The following NUDT6 variants were observed in gnomAD, a reference collection of about 807,000 sequenced individuals.
NUDT6 encodes the protein nudix hydrolase 6, also known as FAD diphosphatase NUDT6.
A neutral mutation model predicts 36.8 loss-of-function variants in NUDT6; 24 were observed. That is an observed-to-expected ratio of 0.65 (90% CI 0.47 to 0.92). NUDT6 has a LOEUF of 0.92. Among genes scored for constraint, NUDT6 ranks in the 40% least tolerant of loss-of-function variants. The pLI, the probability that NUDT6 is intolerant of heterozygous loss-of-function variation, is 0.00. For missense variants in NUDT6, 388 were observed against 392.8 expected (o/e 0.99, Z 0.10); for synonymous variants, 163 against 157.0 (o/e 1.04, Z -0.29).
At position 122,917,594 on chromosome 4, in the gene NUDT6, G is replaced by A; in HGVS notation, c.349C>T (p.His117Tyr). The change falls in exon 2 of 5, where the codon CAC becomes TAC. Residue 117 changes from histidine (H) to tyrosine (Y), a missense_variant. Physicochemically the swap from His to Tyr is moderately conservative, Grantham distance 83. Transcript: ENST00000304430. ...PAASLGFCFHHAESDSSTLTL... is the reference protein window; with the variant it reads ...PAASLGFCFHYAESDSSTLTL... ...AACGTTGATGAATCCGATTCTGCGTGGTGAAAGCAGAAGCCCAGGGAAGCA... is the reference window on the plus strand; with the variant it reads ...AACGTTGATGAATCCGATTCTGCGTAGTGAAAGCAGAAGCCCAGGGAAGCA... 6.2e-7 allele frequency: 1 copy of A among 1,614,148 alleles called. No homozygotes were observed. Among genetic ancestry groups the A allele is most frequent in the African/African-American group, 1.3e-5 (1 of 75,016 alleles).
At chr4:122,920,114 T>C (rs924530664) in intron 1 of NUDT6, 3 of 152,240 alleles carry the variant, frequency 2.0e-5, no homozygotes, top group African/African-American at 7.2e-5. Context: ...GTTGACTTCT[T>C]ATTCCACCAA....
chr4:122,900,905 ATTCT>A (rs1727509073), intron 3 of NUDT6, among the ~76,000 whole-genome samples: 1 of 151,960 alleles, frequency 6.6e-6, no homozygotes, highest in Non-Finnish European at 1.5e-5. Flanking sequence ...ATCTTTTATT[ATTCT>A]TTCTTTCCAG....
At chr4:122,901,121 C>T (rs1727513915) in intron 3 of NUDT6, among the ~76,000 whole-genome samples, 1 of 152,044 alleles carries the variant, frequency 6.6e-6, no homozygotes, top group Non-Finnish European at 1.5e-5. Context: ...TTCTAAAATG[C>T]TCTTGTGCTT....
At position 122,914,167 on chromosome 4, in the gene NUDT6, T is replaced by C. The variant is rs144660854; in HGVS notation, c.443-1544A>G. ...GAATATTAGAAGGTGATAAATGCTA[T>C]GTAGAATATAGAGAAGGAATAAATA... is the stretch of plus-strand genomic sequence containing the variant. On this transcript the variant is annotated intron_variant, in intron 2 of 4. Transcript: ENST00000304430. 3.3e-3 allele frequency among the ~76,000 whole-genome samples: 500 copies of C among 152,228 alleles called. 2 individuals are homozygous for C. Among genetic ancestry groups the C allele is most frequent in the Middle Eastern group, 0.014 (4 of 294 alleles).
upstream of NUDT6, chr4:122,922,626 C>A: frequency 6.8e-7 from 1 of 1,461,046 alleles, no homozygotes; most frequent in Non-Finnish European, 9.3e-7. Flanking sequence ...CGCTCCAGAG[C>A]GGAGATCGCG....
intron 1 of NUDT6, chr4:122,921,613 A>AC (rs1553953091): frequency 1.5e-5 from 2 of 135,634 alleles, no homozygotes; most frequent in African/African-American, 5.3e-5. Context: ...AAAAAAAAAA[A>AC]AAAAACAAAC....
At chr4:122,913,348 A>G (rs1326501236) in intron 2 of NUDT6, 1 of 152,166 alleles carries the variant, frequency 6.6e-6, no homozygotes, top group Non-Finnish European at 1.5e-5. Context: ...CCTCTTTCAT[A>G]AGGACACTAA....
At chr4:122,894,162 GA>G (rs778578145) in intron 4 of NUDT6, 2 of 152,168 alleles carry the variant, frequency 1.3e-5, no homozygotes, top group African/African-American at 2.4e-5. Flanking sequence ...AATAGCTATG[GA>G]AAGATGCATA....
At chr4:122,899,890 A>T (rs190279268) in intron 3 of NUDT6, among the ~76,000 whole-genome samples, 1 of 152,226 alleles carries the variant, frequency 6.6e-6, no homozygotes, top group East Asian at 1.9e-4. Context: ...CAGATCACAG[A>T]TATCCAATGA....
At chr4:122,911,491 C>T (rs1727732190) in intron 3 of NUDT6, among the ~76,000 whole-genome samples, 2 of 152,116 alleles carry the variant, frequency 1.3e-5, no homozygotes, top group South Asian at 4.1e-4. Context: ...AGGTACAATA[C>T]TACTTTAGGT....
At chr4:122,919,192 C>T (rs1310734758) in intron 1 of NUDT6, 2 of 152,260 alleles carry the variant, frequency 1.3e-5, no homozygotes, top group Middle Eastern at 3.2e-3. Context: ...CCACTTCAGA[C>T]TTCACAAAGT....
chr4:122,897,859 T>C, intron 3 of NUDT6, 181 bp from the exon 4 acceptor site: 1 of 582,586 alleles, frequency 1.7e-6, no homozygotes, highest in South Asian at 2.3e-5. Flanking sequence ...TTGGGGGAGC[T>C]GGTAACTGAT....
rs1251234048 is a variant in NUDT6, at chr4:122,922,440, C to T, written c.133G>A (p.Asp45Asn). 6.2e-7 allele frequency: 1 copy of T among 1,612,238 alleles called. No individual in the cohort carries two copies. The highest frequency in any genetic ancestry group is 8.5e-7 in the Non-Finnish European group (1 of 1,179,866). ...AATCTGTCCAGCTCGCCCTGCAGAT[C>T]GCACGCTCCAACTGGCGGATTCCGC... ...YVRNPPVGAC[D>N]LQGELDRFGG... Residue 45 changes from aspartate (D) to asparagine (N), a missense_variant, in exon 1 of 5, where the codon GAT becomes AAT. By Grantham distance (23) the Asp-to-Asn change is conservative (BLOSUM62 1). Coordinates refer to ENST00000304430, the MANE Select transcript of NUDT6 (RefSeq NM_007083.5).
chr4:122,906,315 T>A (rs1400117576), intron 3 of NUDT6, among the ~76,000 whole-genome samples: 1 of 152,182 alleles, frequency 6.6e-6, no homozygotes, highest in Non-Finnish European at 1.5e-5. Context: ...TGCCAAGGCA[T>A]CTAAACAAGT....
At chr4:122,904,225 C>T (rs1297446889) in intron 3 of NUDT6, among the ~76,000 whole-genome samples, 1 of 152,116 alleles carries the variant, frequency 6.6e-6, no homozygotes, top group Non-Finnish European at 1.5e-5. Context: ...AAAACTTTGT[C>T]AGAAGCTACT....
chr4:122,906,963 T>C lies in NUDT6; in HGVS notation c.498+5605A>G, dbSNP rs7692169. Among the ~76,000 whole-genome samples the C allele has an allele frequency of 7.7e-3, 1,174 of 152,268 alleles. 20 individuals are homozygous for C. The highest frequency in any genetic ancestry group is 0.027 in the African/African-American group (1,110 of 41,546). On this transcript the variant is annotated intron_variant, in intron 3 of 4. Coordinates refer to ENST00000304430, the MANE Select transcript of NUDT6 (RefSeq NM_007083.5). ...GGTAATATCAGGAAGTTACCCTATTTGGTCTAAAACGGGGAGGAACCCTCA... is the reference window on the plus strand; with the variant it reads ...GGTAATATCAGGAAGTTACCCTATTCGGTCTAAAACGGGGAGGAACCCTCA...
intron 1 of NUDT6, chr4:122,918,782 G>C (rs546032664): frequency 6.6e-6 from 1 of 152,300 alleles, no homozygotes; most frequent in East Asian, 1.9e-4. Flanking sequence ...GGAATTATGG[G>C]ATCAGGTCCT....
chr4:122,907,360 C>T (rs1318338751), intron 3 of NUDT6, among the ~76,000 whole-genome samples: 1 of 152,006 alleles, frequency 6.6e-6, no homozygotes, highest in African/African-American at 2.4e-5. Context: ...GTCTCAAACT[C>T]CTGGCCTCAA....
At chr4:122,898,460 ACATACT>A (rs142854784) in intron 3 of NUDT6, among the ~76,000 whole-genome samples, 6,319 of 152,268 alleles carry the variant, frequency 0.041, 411 homozygotes, top group African/African-American at 0.14. Context: ...AGAAATTATA[ACATACT>A]CATAAGGGAG....
Sources: allele counts gnomAD v4.1 joint callset (sites outside exome capture counted in the v4.1 genomes callset), GRCh38; gene constraint gnomAD v4.1.1; transcripts MANE v1.5; gene names NCBI Gene and HGNC (gene_info 2026-07-23, HGNC 2026-07-21).